The following COBL variants were observed in gnomAD, a reference collection of about 807,000 sequenced individuals.
COBL encodes the protein cordon-bleu WH2 repeat protein.
Under a neutral mutation model 98.8 loss-of-function variants are expected in COBL, and 51 were observed. The observed-to-expected ratio is 0.52, with a 90% confidence interval of 0.41 to 0.65. The LOEUF (loss-of-function observed/expected upper bound fraction) is 0.65. Ranked by LOEUF, COBL falls within the 30% of genes least tolerant of loss-of-function variation. COBL has a pLI of 0.00. For missense variants in COBL, 1,617 were observed against 1,617.5 expected (o/e 1.00, Z 0.01); for synonymous variants, 634 against 651.7 (o/e 0.97, Z 0.41).
At chr7:51,128,636 A>G (rs1404018311) in intron 6 of COBL, among the ~76,000 whole-genome samples, 1 of 152,214 alleles carries the variant, frequency 6.6e-6, no homozygotes, top group Non-Finnish European at 1.5e-5. Context: ...TCACTGTGTG[A>G]TAAGTGGCAA....
chr7:51,310,240 G>A (rs891870523), intron 1 of COBL, among the ~76,000 whole-genome samples: 1 of 152,198 alleles, frequency 6.6e-6, no homozygotes, highest in African/African-American at 2.4e-5. Flanking sequence ...GCACCTGGCA[G>A]AAGCATCATC....
intron 7 of COBL, among the ~76,000 whole-genome samples, chr7:51,083,612 C>T (rs543177058): frequency 1.3e-5 from 2 of 152,304 alleles, no homozygotes; most frequent in Admixed American, 6.5e-5. Context: ...TTTTCAGGTT[C>T]ACAGATCTGT....
intron 5 of COBL, among the ~76,000 whole-genome samples, chr7:51,154,910 A>G (rs1168885540): frequency 6.6e-6 from 1 of 152,222 alleles, no homozygotes; most frequent in Non-Finnish European, 1.5e-5. Flanking sequence ...CCAGAGATCA[A>G]TTCTCATTGG....
intron 1 of COBL, among the ~76,000 whole-genome samples, chr7:51,234,886 G>A (rs1174567697): frequency 6.6e-6 from 1 of 152,118 alleles, no homozygotes; most frequent in Admixed American, 6.5e-5. Flanking sequence ...TTTGGAAAGA[G>A]AGAGACAGAG....
chr7:51,166,704 AC>A (rs1787348657), intron 5 of COBL, among the ~76,000 whole-genome samples: 1 of 152,182 alleles, frequency 6.6e-6, no homozygotes, highest in Admixed American at 6.5e-5. Flanking sequence ...AAAATCCTCA[AC>A]AAAATACTAG....
In COBL at chr7:51,217,340, C is replaced by CTTTTTTT. The variant is rs937958755; in HGVS notation, c.245+2394_245+2400dup. ...CACAATGCCATTTTCTTTTCTTTTTCTTTTTTTTTTTTTTTTTTGAGATGG... is the reference window on the plus strand; with the variant it reads ...CACAATGCCATTTTCTTTTCTTTTTCTTTTTTTTTTTTTTTTTTTTTTTTTGAGATGG... On this transcript the variant is annotated intron_variant, in intron 2 of 12. Transcript: ENST00000265136. Among the ~76,000 whole-genome samples the CTTTTTTT allele has an allele frequency of 2.2e-3, 282 of 127,676 alleles. 4 individuals carry two copies. Among genetic ancestry groups the CTTTTTTT allele is most frequent in the African/African-American group, 6.2e-3 (203 of 32,846 alleles). The allele number at this position is 127,676 out of a possible 152,430, so 83.8% of individuals were successfully genotyped here. A position where few individuals can be genotyped will look rare whatever the true frequency, so the allele number is the denominator to read the frequency against.
chr7:51,252,114 T>G (rs1407506246), intron 1 of COBL, among the ~76,000 whole-genome samples: 1 of 152,178 alleles, frequency 6.6e-6, no homozygotes, highest in African/African-American at 2.4e-5. Context: ...GTTCGTGCAC[T>G]GCATTTCATT....
chr7:51,239,626 A>T (rs1219307959), intron 1 of COBL, among the ~76,000 whole-genome samples: 5 of 152,128 alleles, frequency 3.3e-5, no homozygotes, highest in Non-Finnish European at 7.3e-5. Flanking sequence ...CTTACTCTAC[A>T]GATTTGCCTC....
chr7:51,046,625 C>CT (rs989145587), intron 7 of COBL, among the ~76,000 whole-genome samples: 7 of 151,636 alleles, frequency 4.6e-5, no homozygotes, highest in African/African-American at 1.5e-4. Context: ...GTGCAGGAGA[C>CT]TTTTTTTTTC....
chr7:51,029,729 G>A (rs1002749883), intron 9 of COBL, 138 bp from the exon 10 acceptor site: 52 of 705,896 alleles, frequency 7.4e-5, no homozygotes, highest in Non-Finnish European at 1.0e-4. Context: ...ATTTGGGTTT[G>A]TAATCTACAT....
intron 5 of COBL, among the ~76,000 whole-genome samples, chr7:51,158,928 G>A (rs1399816507): frequency 6.6e-6 from 1 of 152,072 alleles, no homozygotes; most frequent in African/African-American, 2.4e-5. Context: ...GGCACAGCGC[G>A]GGGGTGCAGG....
At chr7:51,226,520 C>CTTTGA (rs1563062241) in intron 1 of COBL, among the ~76,000 whole-genome samples, 7 of 87,260 alleles carry the variant, frequency 8.0e-5, no homozygotes, top group Non-Finnish European at 1.7e-4. Flanking sequence ...GTCACCACTG[C>CTTTGA]GTTGAGTGAG....
At chr7:51,149,337 G>A (rs1785342430) in intron 5 of COBL, among the ~76,000 whole-genome samples, 1 of 152,114 alleles carries the variant, frequency 6.6e-6, no homozygotes, top group Admixed American at 6.5e-5. Flanking sequence ...GTCTGTCCAG[G>A]CTCCAGGCTT....
chr7:51,306,349 T>A (rs1220655056), intron 1 of COBL, among the ~76,000 whole-genome samples: 1 of 152,146 alleles, frequency 6.6e-6, no homozygotes, highest in East Asian at 1.9e-4. Context: ...TTACTGAGGC[T>A]CTTGCAGCTT....
chr7:51,018,135 G>A (rs555277032), intron 12 of COBL, among the ~76,000 whole-genome samples: 45 of 152,320 alleles, frequency 3.0e-4, no homozygotes, highest in African/African-American at 9.6e-4. Context: ...TTTCCATGTG[G>A]TGATGGTGGT....
intron 12 of COBL, among the ~76,000 whole-genome samples, chr7:51,023,909 C>G (rs1787198051): frequency 1.3e-5 from 2 of 152,222 alleles, no homozygotes; most frequent in South Asian, 2.1e-4. Flanking sequence ...GCGACTCACT[C>G]CTCTGAGCCT....
intron 1 of COBL, among the ~76,000 whole-genome samples, chr7:51,309,355 G>C (rs530390721): frequency 4.4e-4 from 67 of 152,284 alleles, no homozygotes; most frequent in African/African-American, 1.5e-3. Flanking sequence ...GCAGGTCTCT[G>C]GGAACGCTGC....
intron 6 of COBL, among the ~76,000 whole-genome samples, chr7:51,110,649 T>C (rs545575051): frequency 4.1e-4 from 63 of 152,352 alleles, no homozygotes; most frequent in African/African-American, 1.4e-3. Flanking sequence ...AAGCGGTATA[T>C]ACTGCACCAT....
rs773830122 is a variant in COBL at position 51,041,478 on chromosome 7, CTTTTT to C, written c.1406+1900_1406+1904del. Among the ~76,000 whole-genome samples, 786 of 79,992 alleles carry C rather than the reference CTTTTT, an allele frequency of 9.8e-3. 8 individuals carry two copies. The highest frequency in any genetic ancestry group is 0.037 in the African/African-American group (755 of 20,602). The allele number at this position is 79,992 out of a possible 152,430, so 52.5% of individuals were successfully genotyped here. A position where few individuals can be genotyped will look rare whatever the true frequency, so the allele number is the denominator to read the frequency against. On this transcript the variant is annotated intron_variant, in intron 8 of 12. Coordinates refer to ENST00000265136, the MANE Select transcript of COBL (RefSeq NM_015198.5). ...TAAATCAGTTTACCTTATTTCTTTC[CTTTTT>C]TTTTTTTTTTTTTTTTTTGAGACAG...
Sources: allele counts gnomAD v4.1 joint callset (sites outside exome capture counted in the v4.1 genomes callset), GRCh38; gene constraint gnomAD v4.1.1; transcripts MANE v1.5; gene names NCBI Gene and HGNC (gene_info 2026-07-23, HGNC 2026-07-21).